The following FER variants were observed in gnomAD, a reference collection of about 807,000 sequenced individuals.
The protein encoded by FER is FER tyrosine kinase.
In FER, 63 loss-of-function variants were observed where a neutral mutation model predicts 111.0. That is an observed-to-expected ratio of 0.57 (90% CI 0.46 to 0.70). The LOEUF (loss-of-function observed/expected upper bound fraction) is 0.70, where lower values mean the gene tolerates loss of function less well. Ranked by LOEUF, FER falls within the 30% of genes least tolerant of loss-of-function variation. FER has a pLI of 0.00. For synonymous variants in FER, 327 were observed against 313.9 expected (o/e 1.04, Z -0.44); for missense variants, 914 against 954.0 (o/e 0.96, Z 0.55).
intron 17 of FER, among the ~76,000 whole-genome samples, chr5:109,109,886 C>T (rs1036538228): frequency 3.9e-5 from 6 of 152,094 alleles, no homozygotes; most frequent in Non-Finnish European, 8.8e-5. Context: ...GCTAATTATA[C>T]TCCCATTCAG....
chr5:109,082,383 G>C (rs1285461514), intron 16 of FER, among the ~76,000 whole-genome samples: 1 of 151,942 alleles, frequency 6.6e-6, no homozygotes. Flanking sequence ...TCAGAACACA[G>C]TCACTGCTCT....
At chr5:108,844,774 G>C (rs1032745195) in intron 5 of FER, among the ~76,000 whole-genome samples, 7 of 151,270 alleles carry the variant, frequency 4.6e-5, no homozygotes, top group Non-Finnish European at 7.4e-5. Context: ...ACTCTATTTT[G>C]TCTGCCTTAA....
rs1755360451 is a variant in FER at position 109,156,257 on chromosome 5, T to G, written c.2049-24490T>G. ...TGCAGTATAATTAGACAGTAGTTGATAGATTTGAAAGGCCTTAAGTTCATA... is the reference window on the plus strand; with the variant it reads ...TGCAGTATAATTAGACAGTAGTTGAGAGATTTGAAAGGCCTTAAGTTCATA... On this transcript the variant is annotated intron_variant, in intron 17 of 19. Coordinates refer to ENST00000281092, the MANE Select transcript of FER (RefSeq NM_005246.4). 2.0e-5 allele frequency among the ~76,000 whole-genome samples: 3 copies of G among 151,934 alleles called. No homozygotes were observed. The South Asian group carries it at 6.2e-4, about 31-fold the overall frequency.
Position 108,794,126 on chromosome 5 carries a change from C to T in FER, c.-59-3998C>T, listed in dbSNP as rs186155680. Reference sequence around the variant, plus strand: ...TGTTTTTTTGGTGTACTTACTTCTACCAGTGAGTTTTGTACCTTCAGATGA... The same window carrying T: ...TGTTTTTTTGGTGTACTTACTTCTATCAGTGAGTTTTGTACCTTCAGATGA... On this transcript the variant is annotated intron_variant, in intron 2 of 19. Transcript: ENST00000281092. 3.5e-3 allele frequency among the ~76,000 whole-genome samples: 529 copies of T among 151,932 alleles called. 1 individual carries two copies. Among genetic ancestry groups the T allele is most frequent in the Non-Finnish European group, 4.8e-3 (325 of 67,974 alleles).
intron 2 of FER, among the ~76,000 whole-genome samples, chr5:108,792,607 G>A (rs1392381725): frequency 6.6e-6 from 1 of 151,762 alleles, no homozygotes; most frequent in Non-Finnish European, 1.5e-5. Context: ...AAAGTGCTGG[G>A]ATTACAGGTG....
intron 2 of FER, among the ~76,000 whole-genome samples, chr5:108,794,531 C>T (rs866193810): frequency 7.7e-6 from 1 of 130,108 alleles, no homozygotes; most frequent in Non-Finnish European, 1.7e-5. Context: ...TCCGCACCCC[C>T]CCCCCTCCCC....
At chr5:109,067,284 G>GT (rs1350477259) in intron 16 of FER, among the ~76,000 whole-genome samples, 2 of 151,660 alleles carry the variant, frequency 1.3e-5, no homozygotes, top group African/African-American at 4.9e-5. Context: ...TGCTGCTGCT[G>GT]TTTTTAATTT....
chr5:109,170,398 A>T (rs533309309), intron 17 of FER, among the ~76,000 whole-genome samples: 2 of 152,306 alleles, frequency 1.3e-5, no homozygotes, highest in African/African-American at 4.8e-5. Context: ...TAGTATTTCA[A>T]AGAAACCAAA....
intron 16 of FER, among the ~76,000 whole-genome samples, chr5:109,068,485 T>C (rs1237940231): frequency 2.6e-5 from 4 of 152,164 alleles, no homozygotes; most frequent in African/African-American, 9.7e-5. Context: ...CCCGTTGCTC[T>C]GTTATTACTC....
At chr5:108,799,683 G>A (rs1234556851) in intron 3 of FER, among the ~76,000 whole-genome samples, 1 of 151,922 alleles carries the variant, frequency 6.6e-6, no homozygotes, top group Admixed American at 6.6e-5. Context: ...TTCATCTGTG[G>A]GTATAAAGCC....
At chr5:109,179,770 T>C (rs1264192052) in intron 17 of FER, among the ~76,000 whole-genome samples, 2 of 150,904 alleles carry the variant, frequency 1.3e-5, no homozygotes, top group African/African-American at 4.9e-5. Context: ...ATCATGTGCA[T>C]ATGCAAATCT....
At chr5:108,819,237 C>G (rs966952775) in intron 3 of FER, among the ~76,000 whole-genome samples, 14 of 148,388 alleles carry the variant, frequency 9.4e-5, no homozygotes, top group African/African-American at 3.0e-4. Context: ...TGCCCACGCT[C>G]GTCTTGAACT....
chr5:109,071,125 A>C (rs530503459), intron 16 of FER, among the ~76,000 whole-genome samples: 1 of 152,050 alleles, frequency 6.6e-6, no homozygotes, highest in South Asian at 2.1e-4. Context: ...ATTAAATTTC[A>C]CTGGTTTTTC....
chr5:109,018,416 A>C (rs1236577275), intron 13 of FER, among the ~76,000 whole-genome samples: 1 of 151,876 alleles, frequency 6.6e-6, no homozygotes, highest in Non-Finnish European at 1.5e-5. Flanking sequence ...TTGGGACTAC[A>C]CATGTAGAGA....
chr5:109,011,865 C>G (rs1002583802), intron 13 of FER, among the ~76,000 whole-genome samples: 1 of 152,202 alleles, frequency 6.6e-6, no homozygotes, highest in Non-Finnish European at 1.5e-5. Context: ...TCTAATGTAA[C>G]TAGTTTACCT....
intron 13 of FER, among the ~76,000 whole-genome samples, chr5:109,013,278 G>A (rs1249763499): frequency 1.5e-5 from 2 of 129,392 alleles, no homozygotes; most frequent in African/African-American, 6.1e-5. Context: ...CCCTTCCTGT[G>A]TCCATGTGTT....
chr5:109,005,773 C>G (rs113741836), intron 13 of FER, among the ~76,000 whole-genome samples: 2 of 152,142 alleles, frequency 1.3e-5, no homozygotes, highest in Non-Finnish European at 2.9e-5. Context: ...GCAGCAAGGA[C>G]CATGTGTTCT....
intron 19 of FER, among the ~76,000 whole-genome samples, chr5:109,186,877 A>C (rs1758934108): frequency 6.6e-6 from 1 of 152,226 alleles, no homozygotes; most frequent in South Asian, 2.1e-4. Context: ...AGTGAGGGGC[A>C]TGGTTGTAGA....
chr5:108,885,923 C>T (rs193295722), intron 9 of FER, among the ~76,000 whole-genome samples: 4 of 151,924 alleles, frequency 2.6e-5, no homozygotes, highest in African/African-American at 9.6e-5. Context: ...AAAACATCAC[C>T]CATTGCACAT....
Sources: allele counts gnomAD v4.1 joint callset (sites outside exome capture counted in the v4.1 genomes callset), GRCh38; gene constraint gnomAD v4.1.1; transcripts MANE v1.5; gene names NCBI Gene and HGNC (gene_info 2026-07-23, HGNC 2026-07-21).